TLN1: variants seen among roughly 807,000 people sequenced by gnomAD.
TLN1 encodes the protein talin-1.
Under a neutral mutation model 292.3 loss-of-function variants are expected in TLN1, and 56 were observed. The observed-to-expected ratio is 0.19, with a 90% CI of 0.15 to 0.24. The LOEUF (loss-of-function observed/expected upper bound fraction) is 0.24. Ranked by LOEUF, TLN1 falls within the 10% of genes least tolerant of loss-of-function variation. The probability of loss-of-function intolerance (pLI) is 1.00; values close to 1 mark genes in which losing one functional copy is unlikely to be tolerated. For missense variants in TLN1, 2,433 were observed against 3,248.2 expected (o/e 0.75, Z 6.10); for synonymous variants, 1,119 against 1,253.7 (o/e 0.89, Z 2.27).
chr9:35,721,133 A>G (rs1463937027), intron 10 of TLN1, among the ~76,000 whole-genome samples: 1 of 152,192 alleles, frequency 6.6e-6, no homozygotes, highest in Non-Finnish European at 1.5e-5. Context: ...TTTCAAATAC[A>G]TATCATTTAG....
chr9:35,709,438 A>G (rs2131889741), intron 33 of TLN1, among the ~76,000 whole-genome samples: 1 of 152,348 alleles, frequency 6.6e-6, no homozygotes, highest in East Asian at 1.9e-4. Flanking sequence ...AATAGTCTGA[A>G]GTGAACTCTT....
Position 35,711,297 on chromosome 9 carries a change from G to A in TLN1, c.3977C>T (p.Pro1326Leu). 1.2e-6 allele frequency: 2 copies of A among 1,614,186 alleles called. No homozygotes were observed. The highest frequency in any genetic ancestry group is 2.2e-5 in the East Asian group (1 of 44,884). ...LLAAKALSTD[P>L]AAPNLKSQLA... ...CTGACTCTTGAGGTTAGGGGCAGCA[G>A]GGTCCGTGGACAGGGCCTTGGCAGC... Residue 1326 changes from proline (P) to leucine (L), a missense_variant, in exon 30 of 57, where the codon CCT becomes CTT. Transcript: ENST00000314888.
intron 12 of TLN1, 39 bp from the exon 13 acceptor site, chr9:35,720,258 T>G (rs747224811): frequency 3.1e-5 from 48 of 1,552,914 alleles, no homozygotes; most frequent in Non-Finnish European, 4.0e-5. Context: ...AGAGGACTCC[T>G]CATCTCTACC....
chr9:35,721,936 G>A (rs1825884948), intron 9 of TLN1, 133 bp from the exon 10 acceptor site: 8 of 1,295,784 alleles, frequency 6.2e-6, no homozygotes, highest in African/African-American at 1.5e-5. Flanking sequence ...ATGCAGGGTA[G>A]GGAGGGAAGT....
chr9:35,707,416 C>T lies in TLN1; in HGVS notation c.4705G>A (p.Val1569Met), dbSNP rs1336234837. Residue 1569 changes from valine (V) to methionine (M), a missense_variant, in exon 36 of 57, where the codon GTG becomes ATG. By Grantham distance (21) the Val-to-Met change is conservative. This residue lies in a region of TLN1 where 1,384 missense variants were observed against 1,699.6 expected (regional missense o/e 0.81). Transcript: ENST00000314888. The surrounding 1 kb of genome is among the most constrained non-coding windows in gnomAD (Gnocchi z 5.6). Reference protein sequence around the residue: ...RAATAPLLEAVDNLSAFASNP... With the variant: ...RAATAPLLEAMDNLSAFASNP... ...GACGCAAAGGCACTCAGATTGTCCA[C>T]AGCCTCCAGCAGAGGGGCTGTTGCT... is the stretch of plus-strand genomic sequence containing the variant. 6.2e-7 allele frequency: 1 copy of T among 1,614,182 alleles called. No individual in the cohort carries two copies. The highest frequency in any genetic ancestry group is 8.5e-7 in the Non-Finnish European group (1 of 1,180,048).
Position 35,699,939 on chromosome 9 carries a change from G to C in TLN1, c.6768+35C>G. The C allele has an allele frequency of 1.3e-6, 2 of 1,579,310 alleles. No homozygotes were observed. Among genetic ancestry groups the C allele is most frequent in the Non-Finnish European group, 8.7e-7 (1 of 1,155,382 alleles). ...AGGAAGAGGGCTGTGTATTCAGGGAGGCTGGTATGAGGAACAAGCAACGCC... is the reference window on the plus strand; with the variant it reads ...AGGAAGAGGGCTGTGTATTCAGGGACGCTGGTATGAGGAACAAGCAACGCC... On this transcript the variant is annotated intron_variant, in intron 50 of 56. Coordinates refer to ENST00000314888, the MANE Select transcript of TLN1 (RefSeq NM_006289.4). This position sits in a 1 kb window ranked among gnomAD's most constrained non-coding sequence, Gnocchi z 4.0.
chr9:35,715,503 G>C lies in TLN1; in HGVS notation c.2626-316C>G, dbSNP rs1825760989. Among the ~76,000 whole-genome samples, 4 of 152,340 alleles carry C rather than the reference G, an allele frequency of 2.6e-5. No homozygotes were observed. In the South Asian group the frequency reaches 8.3e-4, roughly 32 times the overall value. On this transcript the variant is annotated intron_variant, in intron 20 of 56. Transcript: ENST00000314888. ...TGGACAAAGGAGGACTCAGTTTAGA[G>C]CAGGCATCTCAGGAATACCAAAGCA...
In TLN1 at chr9:35,699,589, C is replaced by T; in HGVS notation, c.6769-128G>A. ...CACTCCACACCATAGCCCTCAAACT[C>T]CACGCTGCCTATCCAAGTACACATC... On this transcript the variant is annotated intron_variant, in intron 50 of 56. Coordinates refer to ENST00000314888, the MANE Select transcript of TLN1 (RefSeq NM_006289.4). The surrounding 1 kb of genome is among the most constrained non-coding windows in gnomAD (Gnocchi z 4.0). 1 of 1,432,094 alleles carries T rather than the reference C, an allele frequency of 7.0e-7. No individual in the cohort carries two copies. The highest frequency in any genetic ancestry group is 9.1e-7 in the Non-Finnish European group (1 of 1,095,214). 88.7% of individuals were successfully genotyped at this position (1,432,094 alleles called of 1,614,324 possible).
At chr9:35,702,372 A>T (rs765099036) in intron 48 of TLN1, among the ~76,000 whole-genome samples, 11 of 152,208 alleles carry the variant, frequency 7.2e-5, no homozygotes, top group Non-Finnish European at 1.6e-4. Context: ...GAGAAGGAAG[A>T]CTATTTGTAC....
chr9:35,714,613 A>C lies in TLN1; in HGVS notation c.2946T>G (p.Ala982=). The C allele has an allele frequency of 6.2e-7, 1 of 1,613,062 alleles. No homozygotes were observed. Among genetic ancestry groups the C allele is most frequent in the Non-Finnish European group, 8.5e-7 (1 of 1,180,012 alleles). ...GSQAQPDSPS[A]QLALIAASQS... ...GGCTGGCAGCAATGAGGGCAAGCTG[A>C]GCGCTGGGGCTGTCAGGCTGGGCTT... Residue 982 remains alanine, a synonymous_variant, in exon 23 of 57, where the codon GCT becomes GCG. Coordinates refer to ENST00000314888, the MANE Select transcript of TLN1 (RefSeq NM_006289.4). This position sits in a 1 kb window ranked among gnomAD's most constrained non-coding sequence, Gnocchi z 4.6.
chr9:35,720,062 G>A lies in TLN1; in HGVS notation c.1441C>T (p.His481Tyr), dbSNP rs747563060. 6.3e-7 allele frequency: 1 copy of A among 1,595,916 alleles called. No individual in the cohort carries two copies. The highest frequency in any genetic ancestry group is 2.2e-5 in the East Asian group (1 of 44,808). ...ACCAGAGGAGGCATGTGTCCTCGGT[G>A]CATCTGGCCGCTGGTAATCTGCTGC... The part of the protein sequence containing the change: ...AQQQITSGQM[H>Y]RGHMPPLTSA... Residue 481 changes from histidine (H) to tyrosine (Y), a missense_variant, in exon 13 of 57, where the codon CAC becomes TAC. By Grantham distance (83) the His-to-Tyr change is moderately conservative. This residue lies in a region of TLN1 where 617 missense variants were observed against 770.6 expected (regional missense o/e 0.80). Transcript: ENST00000314888.
chr9:35,712,188 C>T (rs916557392), intron 27 of TLN1, 64 bp from the exon 28 acceptor site: 119 of 1,551,826 alleles, frequency 7.7e-5, no homozygotes, highest in Admixed American at 2.4e-4. Context: ...CCTCCATTCA[C>T]GCGACATGGG....
At position 35,719,282 on chromosome 9, in the gene TLN1, C is replaced by T; in HGVS notation, c.1688G>A (p.Gly563Glu). 2 of 1,611,864 alleles carry T rather than the reference C, an allele frequency of 1.2e-6. No homozygotes were observed. The highest frequency in any genetic ancestry group is 1.7e-6 in the Non-Finnish European group (2 of 1,178,428). The change falls in exon 16 of 57, where the codon GGG becomes GAG. Residue 563 changes from glycine (G) to glutamate (E), a missense_variant and splice_region_variant. By Grantham distance (98) the Gly-to-Glu change is moderately conservative. Transcript: ENST00000314888. The surrounding 1 kb of genome is among the most constrained non-coding windows in gnomAD (Gnocchi z 4.6). ...GTASVVNLTA[G>E]DPAETDYTAV... ...GGTATAGTCTGTCTCAGCAGGGTCC[C>T]CTAAGGGGAAAAGGAGAAAGAGGAA...
At chr9:35,700,525 T>C in intron 48 of TLN1, 149 bp from the exon 49 acceptor site, 2 of 854,028 alleles carry the variant, frequency 2.3e-6, no homozygotes, top group Non-Finnish European at 1.7e-6. Context: ...CTGAAGCAAC[T>C]GGGGAGTTTG....
chr9:35,706,737 A>C lies in TLN1; in HGVS notation c.5088+31T>G. ...GAGTCTGATATTTCTCTTCCTAGAC[A>C]CATCTTTCCATATAACCCTCTCCCT... On this transcript the variant is annotated intron_variant, in intron 38 of 56. Coordinates refer to ENST00000314888, the MANE Select transcript of TLN1 (RefSeq NM_006289.4). This position sits in a 1 kb window ranked among gnomAD's most constrained non-coding sequence, Gnocchi z 4.2. The C allele has an allele frequency of 6.2e-7, 1 of 1,608,200 alleles. No homozygotes were observed. Among genetic ancestry groups the C allele is most frequent in the Non-Finnish European group, 8.5e-7 (1 of 1,177,288 alleles).
At chr9:35,725,201 G>T (rs1825952379) in intron 3 of TLN1, 23 bp downstream of exon 3, 4 of 1,611,926 alleles carry the variant, frequency 2.5e-6, no homozygotes, top group Non-Finnish European at 3.4e-6. Context: ...GGATGTGGTG[G>T]TCCTTGATGA....
chr9:35,711,192 GA>G (rs1357707894), intron 30 of TLN1, 62 bp downstream of exon 30: 9 of 1,610,824 alleles, frequency 5.6e-6, no homozygotes, highest in Non-Finnish European at 7.6e-6. Flanking sequence ...AAGCTCTCAT[GA>G]ACTGCCTGCT....
At position 35,713,285 on chromosome 9, in the gene TLN1, G is replaced by T. The variant is rs777181798; in HGVS notation, c.3263C>A (p.Thr1088Asn). The change falls in exon 26 of 57, where the codon ACC becomes AAC. Residue 1088 changes from threonine to asparagine, a missense_variant. Thr to Asn is a moderately conservative substitution (Grantham distance 65). This residue lies in a region of TLN1 where 1,384 missense variants were observed against 1,699.6 expected (regional missense o/e 0.81). Coordinates refer to ENST00000314888, the MANE Select transcript of TLN1 (RefSeq NM_006289.4). ...TTTGGTGCTGTTGCCCAGGTCCTGG[G>T]TACACTTCTCCATCTAAGGATGAAG... is the stretch of plus-strand genomic sequence containing the variant. Reference protein sequence around the residue: ...PLPGETMEKCTQDLGNSTKAV... With the variant: ...PLPGETMEKCNQDLGNSTKAV... 7 of 1,591,526 alleles carry T rather than the reference G, an allele frequency of 4.4e-6. No homozygotes were observed. The highest frequency in any genetic ancestry group is 6.0e-6 in the Non-Finnish European group (7 of 1,161,360).
chr9:35,727,518 T>C (rs1035610396), intron 1 of TLN1, among the ~76,000 whole-genome samples: 4 of 152,126 alleles, frequency 2.6e-5, no homozygotes, highest in Admixed American at 2.6e-4. Context: ...TCTCTGTCTT[T>C]ACTCCCCAAT....
Sources: gnomAD v4.1 joint callset for allele counts (sites outside exome capture counted in the v4.1 genomes callset) on GRCh38, gnomAD v4.1.1 for gene constraint, gnomAD v4.1.1 regional missense constraint, Gnocchi (gnomAD v3.1) non-coding constraint, MANE v1.5 for transcripts, NCBI Gene and HGNC (gene_info 2026-07-23, HGNC 2026-07-21) for gene names.